KCNG3: variants seen among roughly 807,000 people sequenced by gnomAD.
KCNG3 encodes voltage-gated potassium channel regulatory subunit KCNG3.
KCNG3 carries 15 observed loss-of-function variants against 29.0 expected under a neutral mutation model. The ratio of observed to expected loss-of-function variants is 0.52; its 90% CI spans 0.35 to 0.80. The LOEUF (loss-of-function observed/expected upper bound fraction) is 0.80. Among genes scored for constraint, KCNG3 ranks in the 30% least tolerant of loss-of-function variants. KCNG3 has a pLI of 0.01. For missense variants in KCNG3, 512 were observed against 605.7 expected (o/e 0.85, Z 1.62); for synonymous variants, 322 against 248.9 (o/e 1.29, Z -2.76).
At chr2:42,472,562 C>T (rs187320176) in intron 1 of KCNG3, among the ~76,000 whole-genome samples, 3 of 151,460 alleles carry the variant, frequency 2.0e-5, no homozygotes, top group South Asian at 4.2e-4. Flanking sequence ...TGCACTGGCA[C>T]GATCTCGGCT....
At chr2:42,441,132 G>A (rs1391485257), downstream of KCNG3, among the ~76,000 whole-genome samples, 1 of 152,192 alleles carries the variant, frequency 6.6e-6, no homozygotes, top group African/African-American at 2.4e-5. Flanking sequence ...CATAATCCCA[G>A]AGCTTTGAGA....
At chr2:42,447,503 T>C (rs1329342758) in intron 1 of KCNG3, among the ~76,000 whole-genome samples, 2 of 150,448 alleles carry the variant, frequency 1.3e-5, no homozygotes, top group East Asian at 2.0e-4. Flanking sequence ...ACATTAACAC[T>C]GATGCAATGA....
intron 1 of KCNG3, among the ~76,000 whole-genome samples, chr2:42,467,299 C>T (rs1403679872): frequency 6.6e-6 from 1 of 152,100 alleles, no homozygotes; most frequent in Non-Finnish European, 1.5e-5. Context: ...CTATCATATA[C>T]CAAGCATGAA....
intron 1 of KCNG3, among the ~76,000 whole-genome samples, chr2:42,448,663 A>G (rs956242515): frequency 2.6e-5 from 4 of 152,172 alleles, no homozygotes; most frequent in Non-Finnish European, 4.4e-5. Context: ...TTTCAACCAA[A>G]TGTGATCAAA....
chr2:42,472,478 G>C (rs1225764372), intron 1 of KCNG3, among the ~76,000 whole-genome samples: 5 of 151,796 alleles, frequency 3.3e-5, no homozygotes, highest in Admixed American at 3.3e-4. Flanking sequence ...CAATGGGAAA[G>C]AGGCACTCAG....
At chr2:42,440,150 G>A, downstream of KCNG3, among the ~76,000 whole-genome samples, 1 of 152,024 alleles carries the variant, frequency 6.6e-6, no homozygotes, top group East Asian at 1.9e-4. Flanking sequence ...GCATACAATT[G>A]GGCCAAAATA....
the KCNG3 span, among the ~76,000 whole-genome samples, chr2:42,433,754 A>G: frequency 6.6e-6 from 1 of 151,998 alleles, no homozygotes; most frequent in Non-Finnish European, 1.5e-5. Context: ...AAACAAAACA[A>G]AACAAAAAAA....
chr2:42,414,945 T>C, the KCNG3 span, among the ~76,000 whole-genome samples: 2 of 152,242 alleles, frequency 1.3e-5, no homozygotes, highest in Admixed American at 1.3e-4. Flanking sequence ...TCTTTAAGCA[T>C]TTTAAGCATA....
chr2:42,403,816 G>T, the KCNG3 span, among the ~76,000 whole-genome samples: 1 of 151,788 alleles, frequency 6.6e-6, no homozygotes, highest in African/African-American at 2.4e-5. Context: ...GCCCAGGCTG[G>T]TCTTGAACTC....
chr2:42,493,592 CGGG>C lies in KCNG3; in HGVS notation c.-94_-92del. 1 of 1,158,692 alleles carries C rather than the reference CGGG, an allele frequency of 8.6e-7. No individual in the cohort carries two copies. The highest frequency in any genetic ancestry group is 1.1e-6 in the Non-Finnish European group (1 of 922,190). The allele number at this position is 1,158,692 out of a possible 1,614,324, so 71.8% of individuals were successfully genotyped here. A position where few individuals can be genotyped will look rare whatever the true frequency, so the allele number is the denominator to read the frequency against. On this transcript the variant is annotated 5_prime_UTR_variant, in exon 1 of 2. Coordinates refer to ENST00000306078, the MANE Select transcript of KCNG3 (RefSeq NM_133329.6). ...GCGGGGCCTGCCTGCCCGTGGCTGA[CGGG>C]GGAGCGCGCCGTCGGGGCCCGCGCT...
the KCNG3 span, among the ~76,000 whole-genome samples, chr2:42,399,337 G>A: frequency 1.3e-5 from 2 of 152,098 alleles, no homozygotes; most frequent in Non-Finnish European, 2.9e-5. Context: ...GGGATTACAG[G>A]CGTGAGCCAC....
intron 1 of KCNG3, among the ~76,000 whole-genome samples, chr2:42,484,482 T>C (rs1673671805): frequency 6.6e-6 from 1 of 151,866 alleles, no homozygotes; most frequent in Admixed American, 6.6e-5. Flanking sequence ...AATAAATAAA[T>C]AATAAAAGAG....
At chr2:42,452,316 G>C (rs1672780555) in intron 1 of KCNG3, among the ~76,000 whole-genome samples, 1 of 146,906 alleles carries the variant, frequency 6.8e-6, no homozygotes, top group South Asian at 2.1e-4. Flanking sequence ...AGCAGTCATA[G>C]CTCACTGCAG....
chr2:42,427,253 G>A, the KCNG3 span, among the ~76,000 whole-genome samples: 6 of 152,192 alleles, frequency 3.9e-5, no homozygotes, highest in Non-Finnish European at 8.8e-5. Context: ...GGATAGTGAG[G>A]TGGTTAGTTT....
the KCNG3 span, among the ~76,000 whole-genome samples, chr2:42,428,591 G>A: frequency 6.6e-6 from 1 of 151,652 alleles, no homozygotes; most frequent in Non-Finnish European, 1.5e-5. Context: ...AAGCACTCTA[G>A]AAAAATGTTC....
At chr2:42,438,443 T>C (rs1672413425), downstream of KCNG3, among the ~76,000 whole-genome samples, 1 of 152,174 alleles carries the variant, frequency 6.6e-6, no homozygotes. Context: ...ATAAATAACA[T>C]AGAATCACTT....
chr2:42,466,312 A>T (rs1257668056), intron 1 of KCNG3, among the ~76,000 whole-genome samples: 1 of 152,164 alleles, frequency 6.6e-6, no homozygotes, highest in Non-Finnish European at 1.5e-5. Flanking sequence ...AGGCTGAGGC[A>T]GGAGAATCGC....
chr2:42,482,673 G>A (rs572284168), intron 1 of KCNG3, among the ~76,000 whole-genome samples: 3 of 152,316 alleles, frequency 2.0e-5, no homozygotes, highest in Admixed American at 6.5e-5. Flanking sequence ...AGGTTGCAGT[G>A]AGCTGAGATT....
At chr2:42,438,059 T>C (rs941567700), downstream of KCNG3, among the ~76,000 whole-genome samples, 4 of 152,078 alleles carry the variant, frequency 2.6e-5, no homozygotes, top group Non-Finnish European at 4.4e-5. Context: ...AAAGTAAAAT[T>C]ATCTTGCCCT....
Sources: gnomAD v4.1 joint callset for allele counts (sites outside exome capture counted in the v4.1 genomes callset) on GRCh38, gnomAD v4.1.1 for gene constraint, MANE v1.5 for transcripts, NCBI Gene and HGNC (gene_info 2026-07-23, HGNC 2026-07-21) for gene names.